Variants in SPATA7 observed in about 807,000 individuals in gnomAD.
SPATA7 encodes spermatogenesis-associated protein 7.
A neutral mutation model predicts 51.8 loss-of-function variants in SPATA7; 43 were observed. The ratio of observed to expected loss-of-function variants is 0.83; its 90% CI spans 0.65 to 1.07. The LOEUF (loss-of-function observed/expected upper bound fraction) is 1.07. Among genes scored for constraint, SPATA7 ranks in the 50% least tolerant of loss-of-function variants. The pLI is 0.00. For missense variants in SPATA7, 683 were observed against 701.3 expected, an observed-to-expected ratio of 0.97 and a Z score of 0.30; for synonymous variants, 230 against 252.8, an observed-to-expected ratio of 0.91 and a Z score of 0.86.
intron 1 of SPATA7, among the ~76,000 whole-genome samples, chr14:88,390,486 G>A (rs2075712237): frequency 6.6e-6 from 1 of 152,174 alleles, no homozygotes; most frequent in African/African-American, 2.4e-5. Context: ...CCAGTGAAAT[G>A]AAAGTACCTT....
rs148972984 is a variant in SPATA7 at position 88,469,304 on chromosome 14, G to A, written c.255-543G>A. Among the ~76,000 whole-genome samples, 44 of 152,142 alleles carry A rather than the reference G, an allele frequency of 2.9e-4. No individual in the cohort carries two copies. The highest frequency in any genetic ancestry group is 5.3e-4 in the Non-Finnish European group (36 of 68,010). ...ATGACGGAGATACTGAGTCAGCTGT[G>A]GCATTCTACTCACTACCAAATCATA... On this transcript the variant is annotated intron_variant, in intron 4 of 4. Transcript: ENST00000556406. This position sits in a 1 kb window ranked among gnomAD's most constrained non-coding sequence, Gnocchi z 4.3.
chr14:88,436,411 G>T (rs1595299290), intron 10 of SPATA7, among the ~76,000 whole-genome samples: 1 of 152,096 alleles, frequency 6.6e-6, no homozygotes, highest in Non-Finnish European at 1.5e-5. Flanking sequence ...CCTTTGCTGT[G>T]TGGAAGCTTT....
intron 4 of SPATA7, chr14:88,465,950 C>T (rs1035150325): frequency 2.6e-5 from 4 of 151,946 alleles, no homozygotes; most frequent in African/African-American, 9.7e-5. Flanking sequence ...AACAGGAACA[C>T]AAATAGACCA....
At chr14:88,452,452 A>G (rs541736415) in intron 3 of SPATA7, among the ~76,000 whole-genome samples, 1 of 152,200 alleles carries the variant, frequency 6.6e-6, no homozygotes, top group Non-Finnish European at 1.5e-5. Context: ...GTGGTATTAT[A>G]GGGAAAATCA....
downstream of SPATA7, among the ~76,000 whole-genome samples, chr14:88,455,593 A>C (rs896758122): frequency 6.6e-6 from 1 of 152,172 alleles, no homozygotes; most frequent in African/African-American, 2.4e-5. Context: ...TTACAAACCA[A>C]TAACAGTTTA....
chr14:88,425,647 T>A (rs1758847), intron 5 of SPATA7, among the ~76,000 whole-genome samples: 143,176 of 152,098 alleles, frequency 0.94, 67,807 homozygotes, highest in Non-Finnish European at 0.99. Flanking sequence ...TCCCTTTTCA[T>A]AGTATTACCC....
intron 5 of SPATA7, among the ~76,000 whole-genome samples, chr14:88,417,506 A>C (rs931706706): frequency 6.6e-6 from 1 of 151,984 alleles, no homozygotes; most frequent in Non-Finnish European, 1.5e-5. Flanking sequence ...GGGTCTCGCC[A>C]TGTTGGCCAG....
At chr14:88,412,222 CTTTTT>C (rs58818266) in intron 4 of SPATA7, among the ~76,000 whole-genome samples, 4,898 of 135,014 alleles carry the variant, frequency 0.036, 268 homozygotes, top group African/African-American at 0.13. Flanking sequence ...TTTCTTCTTG[CTTTTT>C]TTTTTTTTTT....
intron 11 of SPATA7, 30 bp from the exon 12 acceptor site, chr14:88,437,808 G>A (rs1372031284): frequency 1.3e-6 from 2 of 1,559,666 alleles, no homozygotes; most frequent in East Asian, 4.5e-5. Flanking sequence ...CTCAATTAAT[G>A]TAATTAGTCT....
In SPATA7 at chr14:88,435,118, C is replaced by A. The variant is rs949492147; in HGVS notation, c.1160+1906C>A. ...TATCATCTTAGAGATGTGGCTTTCT[C>A]GTCTTTAAAATGGTTTTTACACTAT... is the stretch of plus-strand genomic sequence containing the variant. On this transcript the variant is annotated intron_variant, in intron 10 of 11. Transcript: ENST00000393545. Among the ~76,000 whole-genome samples the A allele has an allele frequency of 2.6e-5, 4 of 152,072 alleles. 1 individual carries two copies. The highest frequency in any genetic ancestry group is 2.0e-4 in the Admixed American group (3 of 15,272).
At chr14:88,453,413 A>G (rs2077265025) in intron 3 of SPATA7, among the ~76,000 whole-genome samples, 1 of 152,220 alleles carries the variant, frequency 6.6e-6, no homozygotes, top group Non-Finnish European at 1.5e-5. Flanking sequence ...GCTGGCCTTA[A>G]AAAGTCACAT....
At chr14:88,452,669 C>G (rs976478495) in intron 3 of SPATA7, among the ~76,000 whole-genome samples, 1 of 152,172 alleles carries the variant, frequency 6.6e-6, no homozygotes, top group African/African-American at 2.4e-5. Context: ...TGAGTGGGAA[C>G]TGCAAATTAG....
At chr14:88,386,681 C>A (rs191434507) in intron 1 of SPATA7, among the ~76,000 whole-genome samples, 8 of 152,200 alleles carry the variant, frequency 5.3e-5, no homozygotes, top group Middle Eastern at 3.4e-3. Flanking sequence ...ACTTTCTGAG[C>A]CAGTATCATT....
intron 4 of SPATA7, among the ~76,000 whole-genome samples, chr14:88,409,756 T>A (rs984028103): frequency 5.9e-5 from 9 of 152,208 alleles, no homozygotes; most frequent in African/African-American, 2.2e-4. Flanking sequence ...TAAACACTGC[T>A]TTAGCTGTGT....
intron 10 of SPATA7, among the ~76,000 whole-genome samples, chr14:88,437,178 T>G: frequency 6.6e-6 from 1 of 151,880 alleles, no homozygotes; most frequent in East Asian, 1.9e-4. Flanking sequence ...AATATCTCTG[T>G]AAGAGGTTTT....
At chr14:88,426,948 G>C (rs60619170) in intron 6 of SPATA7, among the ~76,000 whole-genome samples, 1 of 152,132 alleles carries the variant, frequency 6.6e-6, no homozygotes, top group Non-Finnish European at 1.5e-5. Flanking sequence ...TATTTCAAGC[G>C]TGGTTCAAGA....
intron 4 of SPATA7, among the ~76,000 whole-genome samples, chr14:88,399,240 A>G (rs2075989078): frequency 6.6e-6 from 1 of 151,982 alleles, no homozygotes; most frequent in Non-Finnish European, 1.5e-5. Flanking sequence ...TAGGGGAGAA[A>G]GTAACTACCA....
intron 5 of SPATA7, among the ~76,000 whole-genome samples, chr14:88,418,561 G>A (rs112702411): frequency 0.036 from 5,372 of 150,018 alleles, 307 homozygotes; most frequent in African/African-American, 0.12. Context: ...TGCAACCTCC[G>A]CCTCCTGGGT....
intron 10 of SPATA7, among the ~76,000 whole-genome samples, chr14:88,434,231 G>A (rs1472347983): frequency 2.0e-5 from 3 of 152,006 alleles, no homozygotes. Flanking sequence ...TTTTATAATT[G>A]TACCAAAAAC....
Sources: gnomAD v4.1 joint callset for allele counts (sites outside exome capture counted in the v4.1 genomes callset) on GRCh38, gnomAD v4.1.1 for gene constraint, Gnocchi (gnomAD v3.1) non-coding constraint, MANE v1.5 for transcripts, NCBI Gene and HGNC (gene_info 2026-07-23, HGNC 2026-07-21) for gene names.